MTUS2: variants seen among roughly 807,000 people sequenced by gnomAD.
The protein encoded by MTUS2 is microtubule associated scaffold protein 2.
A neutral mutation model predicts 114.1 loss-of-function variants in MTUS2; 40 were observed. The observed-to-expected ratio is 0.35, with a 90% CI of 0.27 to 0.46. The LOEUF is 0.46. Ranked by LOEUF, MTUS2 falls within the 20% of genes least tolerant of loss-of-function variation. The pLI, the probability that MTUS2 is intolerant of heterozygous loss-of-function variation, is 1.00. For synonymous variants in MTUS2, 688 were observed against 672.0 expected (o/e 1.02, Z -0.37); for missense variants, 1,679 against 1,705.4 (o/e 0.98, Z 0.27).
rs539155246 is a variant in MTUS2, at chr13:29,304,139, A to G, written c.2807-20474A>G. ...CCTTGCAAGAGCTCCCAAAGGAAGC[A>G]CAAAATATGGAAAGAAAAAACCAAT... On this transcript the variant is annotated intron_variant, in intron 6 of 15. Coordinates refer to ENST00000612955, the MANE Select transcript of MTUS2 (RefSeq NM_001033602.4). 2.1e-3 allele frequency among the ~76,000 whole-genome samples: 314 copies of G among 152,338 alleles called. 3 individuals carry two copies. The highest frequency in any genetic ancestry group is 7.1e-3 in the African/African-American group (294 of 41,572).
intron 5 of MTUS2, among the ~76,000 whole-genome samples, chr13:29,130,539 C>T (rs1891714906): frequency 6.6e-6 from 1 of 152,244 alleles, no homozygotes; most frequent in Non-Finnish European, 1.5e-5. Flanking sequence ...CCTGCACACT[C>T]AGCCCTCTTC....
At position 29,409,817 on chromosome 13, in the gene MTUS2, A is replaced by G. The variant is rs1239500974; in HGVS notation, c.3118-30166A>G. 6.6e-5 allele frequency among the ~76,000 whole-genome samples: 10 copies of G among 151,384 alleles called. No individual in the cohort carries two copies. In the East Asian group the frequency reaches 1.9e-3, roughly 29 times the overall value. On this transcript the variant is annotated intron_variant, in intron 8 of 15. Transcript: ENST00000612955. ...TTCGTCTTTTTTTTTTTTTTTAACA[A>G]CCATAGTACTCCATTGAGTGACTAT...
At chr13:29,134,229 G>A (rs1891880514) in intron 5 of MTUS2, among the ~76,000 whole-genome samples, 1 of 152,064 alleles carries the variant, frequency 6.6e-6, no homozygotes, top group African/African-American at 2.4e-5. Context: ...AATGTCGTCT[G>A]GTTGTAGTAA....
intron 9 of MTUS2, among the ~76,000 whole-genome samples, chr13:29,468,069 T>C (rs1198016686): frequency 6.6e-6 from 1 of 151,646 alleles, no homozygotes; most frequent in East Asian, 1.9e-4. Flanking sequence ...CATTGAGCTA[T>C]GATCACACCA....
At chr13:29,009,147 A>G (rs977391400) in intron 2 of MTUS2, among the ~76,000 whole-genome samples, 17 of 151,770 alleles carry the variant, frequency 1.1e-4, no homozygotes, top group Admixed American at 2.0e-4. Flanking sequence ...GTCTCTTTCT[A>G]TAGCACCCTA....
rs754241974 is a variant in MTUS2, at chr13:29,033,928, A to G, written c.2249A>G (p.Tyr750Cys). ...AAAGAAGAGTTTTGTTCTCCTCCCT[A>G]TGCTCATTATGAAGTCCCTCCAACT... Reference protein sequence around the residue: ...PGKEEFCSPPYAHYEVPPTFY... With the variant: ...PGKEEFCSPPCAHYEVPPTFY... Residue 750 changes from tyrosine to cysteine, a missense_variant, in exon 4 of 16, where the codon TAT (tyrosine) becomes TGT (cysteine). This residue lies in a region of MTUS2 where 822 missense variants were observed against 899.7 expected (regional missense o/e 0.91). Coordinates refer to ENST00000612955, the MANE Select transcript of MTUS2 (RefSeq NM_001033602.4). 12 of 1,613,866 alleles carry G rather than the reference A, an allele frequency of 7.4e-6. No individual in the cohort carries two copies. In the African/African-American group the frequency reaches 8.0e-5, roughly 11 times the overall value.
intron 4 of MTUS2, among the ~76,000 whole-genome samples, chr13:29,092,315 G>A (rs917640469): frequency 3.3e-5 from 5 of 152,016 alleles, no homozygotes; most frequent in Admixed American, 2.6e-4. Context: ...ACCTTTACAT[G>A]GTGCCTTTGT....
intron 1 of MTUS2, among the ~76,000 whole-genome samples, chr13:28,838,085 T>TA (rs1875216394): frequency 6.6e-6 from 1 of 152,128 alleles, no homozygotes; most frequent in Admixed American, 6.5e-5. Context: ...ATAATTAATC[T>TA]AAAAAATAGG....
intron 7 of MTUS2, among the ~76,000 whole-genome samples, chr13:29,326,452 A>C (rs1325451232): frequency 6.6e-6 from 1 of 152,182 alleles, no homozygotes; most frequent in Non-Finnish European, 1.5e-5. Flanking sequence ...TATCTGTTAA[A>C]ATTTCTAAGA....
chr13:28,870,728 T>A (rs1288522020), intron 2 of MTUS2, among the ~76,000 whole-genome samples: 1 of 152,192 alleles, frequency 6.6e-6, no homozygotes, highest in Non-Finnish European at 1.5e-5. Context: ...AGCTATAATT[T>A]GTTTAAGTAT....
intron 8 of MTUS2, among the ~76,000 whole-genome samples, chr13:29,373,562 C>T (rs1203583919): frequency 2.6e-5 from 4 of 152,218 alleles, no homozygotes; most frequent in African/African-American, 4.8e-5. Context: ...CATACACGGA[C>T]TTTGAGAATT....
At chr13:29,048,008 A>G (rs1887715641) in intron 4 of MTUS2, among the ~76,000 whole-genome samples, 1 of 152,184 alleles carries the variant, frequency 6.6e-6, no homozygotes, top group African/African-American at 2.4e-5. Context: ...TGGCTGAATA[A>G]TATTCTATTG....
chr13:28,899,745 T>TAGAAA (rs1879524511), intron 2 of MTUS2, among the ~76,000 whole-genome samples: 1 of 151,994 alleles, frequency 6.6e-6, no homozygotes, highest in African/African-American at 2.4e-5. Context: ...TTCCATTTTC[T>TAGAAA]CTCTGTCACT....
intron 8 of MTUS2, among the ~76,000 whole-genome samples, chr13:29,411,523 G>T (rs1457348678): frequency 6.6e-6 from 1 of 152,124 alleles, no homozygotes; most frequent in African/African-American, 2.4e-5. Flanking sequence ...CTGCATAAAT[G>T]TTCCTTAATT....
intron 5 of MTUS2, among the ~76,000 whole-genome samples, chr13:29,235,419 A>G (rs1432332970): frequency 6.6e-6 from 1 of 152,122 alleles, no homozygotes; most frequent in African/African-American, 2.4e-5. Context: ...ATCATTTCTA[A>G]TATTTAAACC....
At chr13:29,317,150 A>G (rs1410025691) in intron 6 of MTUS2, among the ~76,000 whole-genome samples, 1 of 152,284 alleles carries the variant, frequency 6.6e-6, no homozygotes, top group East Asian at 1.9e-4. Context: ...CTAGGCCTCT[A>G]TTTGAATACA....
intron 2 of MTUS2, among the ~76,000 whole-genome samples, chr13:28,989,842 G>GTTT (rs1475335996): frequency 1.9e-5 from 2 of 102,726 alleles, no homozygotes; most frequent in African/African-American, 6.9e-5. Flanking sequence ...CCTTTTTTTT[G>GTTT]TTTTGTTTTG....
intron 5 of MTUS2, among the ~76,000 whole-genome samples, chr13:29,147,778 G>T (rs1445831380): frequency 6.6e-6 from 1 of 152,100 alleles, no homozygotes; most frequent in Non-Finnish European, 1.5e-5. Context: ...TCTGTTCTTT[G>T]TTATGGCTGC....
chr13:29,417,289 A>G (rs1314731375), intron 8 of MTUS2, among the ~76,000 whole-genome samples: 1 of 152,202 alleles, frequency 6.6e-6, no homozygotes, highest in Non-Finnish European at 1.5e-5. Flanking sequence ...GCCATTTATG[A>G]GAGATTCTTC....
Sources: gnomAD v4.1 joint callset for allele counts (sites outside exome capture counted in the v4.1 genomes callset) on GRCh38, gnomAD v4.1.1 for gene constraint, gnomAD v4.1.1 regional missense constraint, MANE v1.5 for transcripts, NCBI Gene and HGNC (gene_info 2026-07-23, HGNC 2026-07-21) for gene names.